Variants in RNF216 observed in about 807,000 individuals in gnomAD.
The protein encoded by RNF216 is ring finger protein 216.
RNF216 carries 72 observed loss-of-function variants against 110.8 expected under a neutral mutation model. The ratio of observed to expected loss-of-function variants is 0.65; its 90% CI spans 0.54 to 0.79. The LOEUF is 0.79. Ranked by LOEUF, RNF216 falls within the 30% of genes least tolerant of loss-of-function variation. The pLI is 0.00. For synonymous variants in RNF216, 495 were observed against 407.5 expected, an observed-to-expected ratio of 1.21 and a Z score of -2.59; for missense variants, 1,342 against 1,141.2, an observed-to-expected ratio of 1.18 and a Z score of -2.54.
At chr7:5,639,563 A>G (rs775756851) in intron 15 of RNF216, among the ~76,000 whole-genome samples, 50 of 151,860 alleles carry the variant, frequency 3.3e-4, no homozygotes, top group Non-Finnish European at 6.0e-4. Context: ...TCCTGGGTTC[A>G]AGCAATTCTT....
intron 13 of RNF216, among the ~76,000 whole-genome samples, chr7:5,678,382 G>C (rs1389728642): frequency 6.6e-6 from 1 of 152,176 alleles, no homozygotes; most frequent in African/African-American, 2.4e-5. Context: ...GACAGGCCCT[G>C]GGCAGGGAAC....
chr7:5,674,269 C>T (rs1454111934), intron 13 of RNF216, among the ~76,000 whole-genome samples: 1 of 152,022 alleles, frequency 6.6e-6, no homozygotes, highest in East Asian at 1.9e-4. Flanking sequence ...ACCTCATGAT[C>T]CACCCACCTC....
intron 15 of RNF216, among the ~76,000 whole-genome samples, chr7:5,637,878 T>C (rs1317674108): frequency 6.6e-6 from 1 of 152,198 alleles, no homozygotes; most frequent in Non-Finnish European, 1.5e-5. Context: ...TCAAGTCTTG[T>C]TCTGTTGTCC....
chr7:5,711,531 TA>T (rs1324935805), intron 13 of RNF216, among the ~76,000 whole-genome samples: 1 of 152,176 alleles, frequency 6.6e-6, no homozygotes, highest in African/African-American at 2.4e-5. Context: ...GAAGATGATA[TA>T]AAATAGGAAT....
At chr7:5,653,770 G>C (rs1461010018) in intron 13 of RNF216, among the ~76,000 whole-genome samples, 1 of 152,140 alleles carries the variant, frequency 6.6e-6, no homozygotes, top group African/African-American at 2.4e-5. Context: ...GCTTGAGGAA[G>C]TGAGGCCTGA....
At chr7:5,780,454 T>C (rs934250815) in intron 1 of RNF216, among the ~76,000 whole-genome samples, 6 of 152,164 alleles carry the variant, frequency 3.9e-5, no homozygotes, top group Admixed American at 3.3e-4. Context: ...TGTAGCACTT[T>C]GGGAGGCCGA....
At chr7:5,781,393 C>G (rs954516398) in intron 1 of RNF216, 148 bp downstream of exon 1, 5 of 152,054 alleles carry the variant, frequency 3.3e-5, no homozygotes, top group African/African-American at 1.2e-4. Flanking sequence ...CCCGCCCGGG[C>G]CTCGGCCCGC....
chr7:5,732,084 G>C (rs1794126690), intron 5 of RNF216, among the ~76,000 whole-genome samples: 1 of 152,104 alleles, frequency 6.6e-6, no homozygotes, highest in Non-Finnish European at 1.5e-5. Flanking sequence ...CACAACGCCT[G>C]AGGCCCAAAG....
chr7:5,640,738 A>G (rs1311924572), intron 15 of RNF216, among the ~76,000 whole-genome samples: 1 of 152,224 alleles, frequency 6.6e-6, no homozygotes, highest in South Asian at 2.1e-4. Context: ...CTATTTGCTA[A>G]TATTTTATTT....
rs142141787 is a variant in RNF216, at chr7:5,698,913, A to G, written c.2061+12848T>C. ...CTCTTAAAAAACTGAACAAGCCACA[A>G]AACAGGACATTCGAATAAGGGTCTT... On this transcript the variant is annotated intron_variant, in intron 13 of 16. Transcript: ENST00000389902. 2.0e-5 allele frequency among the ~76,000 whole-genome samples: 3 copies of G among 152,326 alleles called. No homozygotes were observed. The South Asian group carries it at 6.2e-4, about 32-fold the overall frequency.
intron 13 of RNF216, among the ~76,000 whole-genome samples, chr7:5,672,440 CT>C (rs1789978942): frequency 6.6e-6 from 1 of 152,160 alleles, no homozygotes; most frequent in Non-Finnish European, 1.5e-5. Flanking sequence ...AGCAACCAGA[CT>C]TTAGAATGAA....
chr7:5,656,226 G>A (rs552439180), intron 13 of RNF216, among the ~76,000 whole-genome samples: 69 of 152,174 alleles, frequency 4.5e-4, no homozygotes, highest in African/African-American at 1.5e-3. Flanking sequence ...CTGAGATGGT[G>A]CCACTGCACT....
chr7:5,747,175 G>A (rs1326570576), intron 3 of RNF216, among the ~76,000 whole-genome samples: 2 of 152,152 alleles, frequency 1.3e-5, no homozygotes, highest in Non-Finnish European at 2.9e-5. Flanking sequence ...ACCTGAAAAT[G>A]TAGCATGAAA....
chr7:5,745,578 T>C (rs143545110), intron 3 of RNF216, among the ~76,000 whole-genome samples: 2,923 of 152,004 alleles, frequency 0.019, 43 homozygotes, highest in Non-Finnish European at 0.031. Context: ...ATAATAATGG[T>C]AAGGTGATTG....
chr7:5,661,925 T>TAG (rs1300902958), intron 13 of RNF216, among the ~76,000 whole-genome samples: 1 of 152,252 alleles, frequency 6.6e-6, no homozygotes, highest in East Asian at 1.9e-4. Context: ...GCTCTTACTC[T>TAG]AGTCCCACTG....
chr7:5,754,272 C>G (rs992260059), intron 2 of RNF216, among the ~76,000 whole-genome samples: 9 of 151,848 alleles, frequency 5.9e-5, no homozygotes, highest in Non-Finnish European at 1.2e-4. Context: ...CCTCCCATGT[C>G]AGCTTCCCAA....
At chr7:5,664,818 G>GA (rs2128589184) in intron 13 of RNF216, among the ~76,000 whole-genome samples, 1 of 152,112 alleles carries the variant, frequency 6.6e-6, no homozygotes, top group African/African-American at 2.4e-5. Context: ...TTCTTGAGAT[G>GA]AAGTTTTGCT....
intron 13 of RNF216, among the ~76,000 whole-genome samples, chr7:5,705,025 T>G (rs923140399): frequency 6.6e-6 from 1 of 152,190 alleles, no homozygotes; most frequent in Non-Finnish European, 1.5e-5. Context: ...TACTTTAAAC[T>G]TAGCATGGCC....
chr7:5,641,947 C>T (rs1420744647), intron 14 of RNF216, among the ~76,000 whole-genome samples: 7 of 147,656 alleles, frequency 4.7e-5, no homozygotes, highest in African/African-American at 1.3e-4. Flanking sequence ...GCAGGAGAAT[C>T]GCTTAAACCC....
Sources: gnomAD v4.1 joint callset for allele counts (sites outside exome capture counted in the v4.1 genomes callset) on GRCh38, gnomAD v4.1.1 for gene constraint, MANE v1.5 for transcripts, NCBI Gene and HGNC (gene_info 2026-07-23, HGNC 2026-07-21) for gene names.